GYG1: variants seen among roughly 807,000 people sequenced by gnomAD.
The protein encoded by GYG1 is glycogenin 1.
A neutral mutation model predicts 41.9 loss-of-function variants in GYG1; 44 were observed. The observed-to-expected ratio is 1.05, with a 90% CI of 0.83 to 1.35. The LOEUF (loss-of-function observed/expected upper bound fraction) is 1.35. Among genes scored for constraint, GYG1 ranks in the 40% most tolerant of loss-of-function variants. The probability of loss-of-function intolerance (pLI) is 0.00; values close to 1 mark genes in which losing one functional copy is unlikely to be tolerated. For synonymous variants in GYG1, 141 were observed against 158.1 expected (o/e 0.89, Z 0.81); for missense variants, 429 against 418.9 (o/e 1.02, Z -0.21).
intron 4 of GYG1, chr3:149,007,891 A>G (rs1435069837): frequency 6.6e-6 from 1 of 151,636 alleles, no homozygotes; most frequent in Non-Finnish European, 1.5e-5. Context: ...GTTTTCTGAA[A>G]TCTCATGAGT....
rs535827590 is a variant in GYG1, at chr3:148,997,053, A to G, written c.481+149A>G. The stretch of plus-strand genomic sequence containing the variant: ...TTTAAGTTGTGCTCTTCTGGGAAAT[A>G]TTGTGTGTGTGTGTGTGTGTGTGTG... On this transcript the variant is annotated intron_variant, in intron 4 of 7. Transcript: ENST00000345003. 6.5e-4 allele frequency: 398 copies of G among 613,736 alleles called. No homozygotes were observed. In the African/African-American group the frequency reaches 0.01, roughly 16 times the overall value. The allele number at this position is 613,736 out of a possible 1,614,324, so 38.0% of individuals were successfully genotyped here. A position where few individuals can be genotyped will look rare whatever the true frequency, so the allele number is the denominator to read the frequency against.
intron 5 of GYG1, among the ~76,000 whole-genome samples, chr3:149,011,562 A>G (rs1713726973): frequency 6.6e-6 from 1 of 152,158 alleles, no homozygotes; most frequent in Non-Finnish European, 1.5e-5. Context: ...TTATGCAGAC[A>G]CTGCTTGCAG....
chr3:149,024,254 C>T lies in GYG1; in HGVS notation c.810C>T (p.Thr270=). The change falls in exon 6 of 8, where the codon ACC becomes ACT. Residue 270 remains threonine (T), a synonymous_variant. Transcript: ENST00000345003. ...LLQQFGLVKD[T]CSYVNVLSDL... ...AACAATTTGGCCTTGTCAAAGACAC[C>T]TGCTCATATGTAAATGTGGTAGGTT... 1.2e-6 allele frequency: 2 copies of T among 1,602,594 alleles called. No individual in the cohort carries two copies. Among genetic ancestry groups the T allele is most frequent in the Non-Finnish European group, 1.7e-6 (2 of 1,169,460 alleles).
intron 5 of GYG1, among the ~76,000 whole-genome samples, chr3:149,018,279 A>C (rs1419120914): frequency 1.3e-5 from 2 of 152,194 alleles, no homozygotes; most frequent in Non-Finnish European, 2.9e-5. Context: ...CCTGTTGCTC[A>C]TTCTTTTTGT....
At chr3:148,999,901 T>C (rs985127253) in intron 4 of GYG1, among the ~76,000 whole-genome samples, 3 of 152,162 alleles carry the variant, frequency 2.0e-5, no homozygotes, top group Admixed American at 1.3e-4. Flanking sequence ...CTCAGACCAG[T>C]TTTACAGATG....
chr3:149,001,019 A>C (rs556538952), intron 4 of GYG1: 3 of 152,190 alleles, frequency 2.0e-5, no homozygotes, highest in Non-Finnish European at 4.4e-5. Flanking sequence ...TAAAGTGTAA[A>C]ATTGACCCCA....
rs367665931 is a variant in GYG1, at chr3:149,013,358, A to G, written c.608+3956A>G. The stretch of plus-strand genomic sequence containing the variant: ...AGTCTTTTAAAAATCGTTTAGTTTC[A>G]TTTTTGCTTTCTATTATATCCACTG... On this transcript the variant is annotated intron_variant, in intron 5 of 7. Transcript: ENST00000345003. 2.6e-5 allele frequency among the ~76,000 whole-genome samples: 4 copies of G among 152,166 alleles called. 1 individual carries two copies. The highest frequency in any genetic ancestry group is 6.5e-5 in the Admixed American group (1 of 15,298).
intron 5 of GYG1, among the ~76,000 whole-genome samples, chr3:149,010,327 CTT>C (rs11480779): frequency 1.9e-4 from 24 of 129,394 alleles, no homozygotes; most frequent in East Asian, 4.3e-4. Flanking sequence ...TGGTGCAGTT[CTT>C]TTTTTTTTTT....
chr3:149,001,567 T>G (rs1433095453), intron 4 of GYG1: 1 of 152,238 alleles, frequency 6.6e-6, no homozygotes, highest in Non-Finnish European at 1.5e-5. Flanking sequence ...ACCTACTTTT[T>G]CACTTATTTC....
chr3:149,018,069 T>C (rs74562815), intron 5 of GYG1, among the ~76,000 whole-genome samples: 4,364 of 152,308 alleles, frequency 0.029, 84 homozygotes, highest in South Asian at 0.069. Flanking sequence ...GTTTCTCCTT[T>C]TACTTATGAC....
chr3:149,003,603 C>G (rs1189316159), intron 4 of GYG1, among the ~76,000 whole-genome samples: 2 of 152,124 alleles, frequency 1.3e-5, no homozygotes. Context: ...TCAAAAGACT[C>G]TAGTACTTCT....
chr3:149,008,444 A>G (rs1713531856), intron 4 of GYG1, among the ~76,000 whole-genome samples: 1 of 152,068 alleles, frequency 6.6e-6, no homozygotes, highest in Non-Finnish European at 1.5e-5. Context: ...GGTGGTGTGC[A>G]CTATTTTTGT....
intron 5 of GYG1, among the ~76,000 whole-genome samples, chr3:149,020,732 CTATG>C (rs774746882): frequency 7.2e-5 from 11 of 152,164 alleles, no homozygotes; most frequent in Admixed American, 5.2e-4. Context: ...CATGTTATGA[CTATG>C]TATGACATTT....
chr3:149,015,192 C>T (rs74351857), intron 5 of GYG1, among the ~76,000 whole-genome samples: 2,755 of 152,020 alleles, frequency 0.018, 85 homozygotes, highest in African/African-American at 0.063. Flanking sequence ...CAGAAATGAA[C>T]GGAATGTATT....
Position 149,009,292 on chromosome 3 carries a change from A to G in GYG1, c.498A>G (p.Ile166Met), listed in dbSNP as rs762751567. Reference protein sequence around the residue: ...QGSFDGGDQGILNTFFSSWAT... With the variant: ...QGSFDGGDQGMLNTFFSSWAT... ...TTCTTTTAGGTGGGGACCAAGGCAT[A>G]CTGAACACATTTTTTAGCAGCTGGG... The change falls in exon 5 of 8, where the codon ATA (isoleucine) becomes ATG (methionine). Residue 166 changes from isoleucine (I) to methionine (M), a missense_variant. Coordinates refer to ENST00000345003, the MANE Select transcript of GYG1 (RefSeq NM_004130.4). 3.7e-6 allele frequency: 6 copies of G among 1,612,694 alleles called. No individual in the cohort carries two copies. The African/African-American group carries it at 5.3e-5, about 14-fold the overall frequency.
intron 4 of GYG1, 178 bp from the exon 5 acceptor site, chr3:149,009,098 G>T (rs1409043038): frequency 1.8e-6 from 1 of 547,212 alleles, no homozygotes; most frequent in Non-Finnish European, 3.2e-6. Context: ...GGCAGAGGTT[G>T]CAGTGAGCTG....
intron 4 of GYG1, chr3:149,001,391 T>C (rs1713088888): frequency 6.6e-6 from 1 of 152,202 alleles, no homozygotes; most frequent in African/African-American, 2.4e-5. Context: ...CACGTAAGTT[T>C]TTTTAAGAGC....
At chr3:149,014,521 A>G (rs1009205687) in intron 5 of GYG1, among the ~76,000 whole-genome samples, 16 of 149,192 alleles carry the variant, frequency 1.1e-4, no homozygotes, top group African/African-American at 3.4e-4. Flanking sequence ...AGGAGGGTGG[A>G]TCTCTTGAGC....
chr3:149,015,533 G>A (rs1713972484), intron 5 of GYG1, among the ~76,000 whole-genome samples: 1 of 152,212 alleles, frequency 6.6e-6, no homozygotes, highest in South Asian at 2.1e-4. Flanking sequence ...AAGGAGGAAG[G>A]AGTGATCTGT....
Sources: gnomAD v4.1 joint callset for allele counts (sites outside exome capture counted in the v4.1 genomes callset) on GRCh38, gnomAD v4.1.1 for gene constraint, MANE v1.5 for transcripts, NCBI Gene and HGNC (gene_info 2026-07-23, HGNC 2026-07-21) for gene names.